The following HSD17B12 variants were observed in gnomAD, a reference collection of about 807,000 sequenced individuals.
HSD17B12 encodes the protein hydroxysteroid 17-beta dehydrogenase 12, also known as very-long-chain 3-oxoacyl-CoA reductase.
HSD17B12 carries 32 observed loss-of-function variants against 39.3 expected under a neutral mutation model. The observed-to-expected ratio is 0.81, with a 90% confidence interval of 0.61 to 1.09. HSD17B12 has a LOEUF of 1.09. Ranked by LOEUF, HSD17B12 falls within the 50% of genes least tolerant of loss-of-function variation. The pLI, the probability that HSD17B12 is intolerant of heterozygous loss-of-function variation, is 0.00. For missense variants in HSD17B12, 342 were observed against 382.9 expected (o/e 0.89, Z 0.89); for synonymous variants, 150 against 146.7 (o/e 1.02, Z -0.16).
upstream of HSD17B12, among the ~76,000 whole-genome samples, chr11:43,677,401 A>G (rs1257154866): frequency 6.6e-6 from 1 of 152,184 alleles, no homozygotes; most frequent in Non-Finnish European, 1.5e-5. Context: ...AAACTCTTGA[A>G]GGAAGGTAGA....
the HSD17B12 span, among the ~76,000 whole-genome samples, chr11:43,660,935 A>G: frequency 2.6e-5 from 4 of 151,792 alleles, no homozygotes; most frequent in Non-Finnish European, 4.4e-5. Flanking sequence ...GACCAGCCTG[A>G]CCAACATGGC....
rs77521851 is a variant in HSD17B12 at position 43,681,967 on chromosome 11, T to G, written c.160+980T>G. On this transcript the variant is annotated intron_variant, in intron 1 of 10. Coordinates refer to ENST00000278353, the MANE Select transcript of HSD17B12 (RefSeq NM_016142.3). ...CCTACCCTGAGATGATTATTTATTT[T>G]GATGTTTTATAATCGAATGTGCACT... 1.2e-4 allele frequency among the ~76,000 whole-genome samples: 19 copies of G among 152,306 alleles called. No individual in the cohort carries two copies. The East Asian group carries it at 3.5e-3, about 28-fold the overall frequency.
At chr11:43,659,310 G>A in the HSD17B12 span, among the ~76,000 whole-genome samples, 1 of 152,160 alleles carries the variant, frequency 6.6e-6, no homozygotes, top group Non-Finnish European at 1.5e-5. Flanking sequence ...CTTTGACTAG[G>A]AAAGGGAATT....
At chr11:43,847,269 C>G (rs1357854360) in intron 9 of HSD17B12, among the ~76,000 whole-genome samples, 1 of 152,082 alleles carries the variant, frequency 6.6e-6, no homozygotes, top group Admixed American at 6.5e-5. Flanking sequence ...TTTTCTTTAC[C>G]AGAAGAAAGG....
intron 3 of HSD17B12, 27 bp downstream of exon 3, chr11:43,754,148 A>C: frequency 7.0e-7 from 1 of 1,418,942 alleles, no homozygotes; most frequent in Non-Finnish European, 9.9e-7. Flanking sequence ...AACAAAAGGA[A>C]TACATAGCTA....
the HSD17B12 span, among the ~76,000 whole-genome samples, chr11:43,674,409 T>C: frequency 6.6e-6 from 1 of 152,248 alleles, no homozygotes; most frequent in African/African-American, 2.4e-5. Context: ...GAAGTCGCCA[T>C]TTTTTCCCTT....
chr11:43,599,461 T>A, the HSD17B12 span, among the ~76,000 whole-genome samples: 1 of 152,164 alleles, frequency 6.6e-6, no homozygotes, highest in African/African-American at 2.4e-5. Context: ...CATGTGCAGG[T>A]TTGTTACATG....
chr11:43,825,687 C>G (rs1237308664), intron 6 of HSD17B12, among the ~76,000 whole-genome samples: 1 of 152,174 alleles, frequency 6.6e-6, no homozygotes, highest in Non-Finnish European at 1.5e-5. Flanking sequence ...TCATTATGCT[C>G]CTAAAAAATT....
chr11:43,615,377 G>C, the HSD17B12 span, among the ~76,000 whole-genome samples: 1 of 152,110 alleles, frequency 6.6e-6, no homozygotes, highest in African/African-American at 2.4e-5. Context: ...ACAGATTCTT[G>C]TCCTGTGCAT....
intron 1 of HSD17B12, among the ~76,000 whole-genome samples, chr11:43,705,707 A>T (rs914000370): frequency 2.0e-5 from 3 of 150,362 alleles, no homozygotes; most frequent in African/African-American, 7.3e-5. Flanking sequence ...CTGGTTTGGG[A>T]AGTATAAGGT....
chr11:43,777,021 G>T (rs1206698960), intron 3 of HSD17B12, among the ~76,000 whole-genome samples: 1 of 152,192 alleles, frequency 6.6e-6, no homozygotes, highest in Non-Finnish European at 1.5e-5. Flanking sequence ...TTGTAGTATA[G>T]TTTGAAGTCA....
At chr11:43,826,923 C>T (rs1165664250) in intron 6 of HSD17B12, among the ~76,000 whole-genome samples, 2 of 152,208 alleles carry the variant, frequency 1.3e-5, no homozygotes, top group Non-Finnish European at 2.9e-5. Context: ...TAATTATTTT[C>T]ACTGTTACAC....
the HSD17B12 span, among the ~76,000 whole-genome samples, chr11:43,655,338 A>G: frequency 6.6e-6 from 1 of 151,642 alleles, no homozygotes; most frequent in Admixed American, 6.6e-5. Flanking sequence ...ATACACAATC[A>G]TGTCATCTGC....
intron 1 of HSD17B12, among the ~76,000 whole-genome samples, chr11:43,732,006 C>G (rs900922728): frequency 1.3e-5 from 2 of 152,098 alleles, no homozygotes; most frequent in East Asian, 1.9e-4. Flanking sequence ...CTGTGTCCCC[C>G]CTGACCTAAG....
chr11:43,679,257 A>T (rs1490393409), upstream of HSD17B12, among the ~76,000 whole-genome samples: 1 of 152,168 alleles, frequency 6.6e-6, no homozygotes, highest in Non-Finnish European at 1.5e-5. Context: ...GGTGTATAAG[A>T]ATGCCTGTGA....
At chr11:43,788,068 T>C (rs930863065) in intron 3 of HSD17B12, among the ~76,000 whole-genome samples, 2 of 152,226 alleles carry the variant, frequency 1.3e-5, no homozygotes, top group African/African-American at 4.8e-5. Context: ...TGACTTCTAA[T>C]TAATTTTAGC....
At chr11:43,798,970 G>A (rs528526967) in intron 4 of HSD17B12, among the ~76,000 whole-genome samples, 7 of 151,994 alleles carry the variant, frequency 4.6e-5, no homozygotes, top group Non-Finnish European at 8.8e-5. Flanking sequence ...TTTTTGACCC[G>A]TCACTGGTTG....
At chr11:43,580,554 A>G in the HSD17B12 span, among the ~76,000 whole-genome samples, 1 of 151,996 alleles carries the variant, frequency 6.6e-6, no homozygotes, top group Non-Finnish European at 1.5e-5. Context: ...TAGAAATAGG[A>G]TGACTAGTGT....
chr11:43,814,044 G>A (rs956076581), intron 4 of HSD17B12, among the ~76,000 whole-genome samples: 4 of 152,078 alleles, frequency 2.6e-5, no homozygotes, highest in African/African-American at 9.7e-5. Context: ...TTCCTTATAA[G>A]CTGTAGCAGA....
Sources: allele counts gnomAD v4.1 joint callset (sites outside exome capture counted in the v4.1 genomes callset), GRCh38; gene constraint gnomAD v4.1.1; transcripts MANE v1.5; gene names NCBI Gene and HGNC (gene_info 2026-07-23, HGNC 2026-07-21).